The following COMMD1 variants were observed in gnomAD, a reference collection of about 807,000 sequenced individuals.
The protein encoded by COMMD1 is copper metabolism domain containing 1, also known as COMM domain-containing protein 1.
Under a neutral mutation model 17.2 loss-of-function variants are expected in COMMD1, and 10 were observed. That is an observed-to-expected ratio of 0.58 (90% CI 0.36 to 0.99). COMMD1 has a LOEUF of 0.99. COMMD1 is among the 50% of genes least tolerant of loss of function. The pLI is 0.01. For synonymous variants in COMMD1, 97 were observed against 91.6 expected, an observed-to-expected ratio of 1.06 and a Z score of -0.34; for missense variants, 270 against 231.8, an observed-to-expected ratio of 1.17 and a Z score of -1.07.
chr2:61,958,183 C>G (rs1671244209), intron 1 of COMMD1, among the ~76,000 whole-genome samples: 1 of 151,998 alleles, frequency 6.6e-6, no homozygotes, highest in Admixed American at 6.6e-5. Flanking sequence ...TCCTCCCACT[C>G]TCTACCCTCT....
intron 2 of COMMD1, among the ~76,000 whole-genome samples, chr2:62,072,010 A>G (rs1300143304): frequency 6.6e-6 from 1 of 151,880 alleles, no homozygotes; most frequent in Non-Finnish European, 1.5e-5. Context: ...TTTTTTAATT[A>G]ACCCAGTATA....
chr2:62,050,778 C>G (rs999236007), intron 2 of COMMD1, among the ~76,000 whole-genome samples: 4 of 152,120 alleles, frequency 2.6e-5, no homozygotes, highest in African/African-American at 9.7e-5. Context: ...TTTTGTTTCT[C>G]CTTGAAGATG....
intron 2 of COMMD1, among the ~76,000 whole-genome samples, chr2:62,099,250 A>T (rs1360112930): frequency 6.6e-6 from 1 of 152,104 alleles, no homozygotes; most frequent in African/African-American, 2.4e-5. Context: ...AATTTTTTTT[A>T]ACTTCCTAAA....
intron 1 of COMMD1, among the ~76,000 whole-genome samples, chr2:61,893,810 C>CA (rs113358661): frequency 0.023 from 2,598 of 110,828 alleles, 45 homozygotes; most frequent in African/African-American, 0.06. Flanking sequence ...ACCTCCATCT[C>CA]AAAAAAAAAA....
At chr2:61,968,943 G>GTTT in intron 1 of COMMD1, 1 of 273,158 alleles carries the variant, frequency 3.7e-6, no homozygotes, top group Non-Finnish European at 7.4e-6. Context: ...TCTTTATTTA[G>GTTT]TCTTTTTTTT....
chr2:62,025,605 T>TA (rs1433246429), intron 2 of COMMD1, among the ~76,000 whole-genome samples: 1 of 152,130 alleles, frequency 6.6e-6, no homozygotes, highest in African/African-American at 2.4e-5. Flanking sequence ...AAGTCAATAA[T>TA]AAAAAAATAC....
intron 2 of COMMD1, among the ~76,000 whole-genome samples, chr2:62,048,882 C>A (rs1313848207): frequency 6.6e-6 from 1 of 152,100 alleles, no homozygotes; most frequent in Non-Finnish European, 1.5e-5. Flanking sequence ...GGTGACAGCA[C>A]CTCTACTTTT....
chr2:61,943,842 AC>A (rs1375953314), intron 1 of COMMD1, among the ~76,000 whole-genome samples: 1 of 152,056 alleles, frequency 6.6e-6, no homozygotes, highest in East Asian at 1.9e-4. Context: ...CTCAAAAAAA[AC>A]AAAACAAAAC....
chr2:62,052,660 T>A (rs1211632057), intron 2 of COMMD1, among the ~76,000 whole-genome samples: 1 of 152,244 alleles, frequency 6.6e-6, no homozygotes, highest in African/African-American at 2.4e-5. Flanking sequence ...GTTTATTTTT[T>A]CACTAATCAC....
intron 1 of COMMD1, among the ~76,000 whole-genome samples, chr2:61,892,646 A>T (rs532087573): frequency 3.9e-4 from 58 of 149,054 alleles, no homozygotes; most frequent in Admixed American, 6.0e-4. Flanking sequence ...GTGAGCCGAG[A>T]TCGTGCCATT....
intron 1 of COMMD1, among the ~76,000 whole-genome samples, chr2:61,987,641 G>A (rs1029080797): frequency 1.9e-4 from 29 of 152,214 alleles, no homozygotes; most frequent in African/African-American, 6.3e-4. Context: ...CCTGAAGTCA[G>A]CATGGTACTG....
chr2:61,915,005 CCT>C (rs1670013090), intron 1 of COMMD1, among the ~76,000 whole-genome samples: 1 of 56,856 alleles, frequency 1.8e-5, no homozygotes, highest in African/African-American at 9.4e-5. Context: ...TCTTTTCTTT[CCT>C]TTTTTTTTTT....
At chr2:62,049,954 A>G (rs1451471899) in intron 2 of COMMD1, among the ~76,000 whole-genome samples, 3 of 152,216 alleles carry the variant, frequency 2.0e-5, no homozygotes, top group African/African-American at 2.4e-5. Flanking sequence ...GCATGAATAT[A>G]TCTGACAGAT....
intron 1 of COMMD1, among the ~76,000 whole-genome samples, chr2:61,996,708 A>G (rs970579411): frequency 1.3e-5 from 2 of 152,190 alleles, no homozygotes; most frequent in African/African-American, 4.8e-5. Context: ...TTACTCCTCC[A>G]TAAGGAGTAA....
chr2:61,970,011 C>G (rs532952077), intron 1 of COMMD1, among the ~76,000 whole-genome samples: 3 of 152,076 alleles, frequency 2.0e-5, no homozygotes, highest in African/African-American at 7.2e-5. Flanking sequence ...AATCCCAGCA[C>G]TCTGGGAGGC....
rs889163516 is a variant in COMMD1 at position 62,000,968 on chromosome 2, G to A, written c.448G>A (p.Gly150Ser). 5.0e-6 allele frequency: 8 copies of A among 1,613,086 alleles called. No homozygotes were observed. The highest frequency in any genetic ancestry group is 1.3e-5 in the African/African-American group (1 of 74,922). Residue 150 changes from glycine (G) to serine (S), a missense_variant, in exon 2 of 3, where the codon GGC (glycine) becomes AGC (serine). Transcript: ENST00000311832. Reference protein sequence around the residue: ...TPVAIIELELGKYGQESEFLC... With the variant: ...TPVAIIELELSKYGQESEFLC... ...TGTTGCCATTATAGAGCTGGAATTAGGCAAATATGGACAGGTGAGTTAAAC... is the reference window on the plus strand; with the variant it reads ...TGTTGCCATTATAGAGCTGGAATTAAGCAAATATGGACAGGTGAGTTAAAC...
At chr2:62,130,381 T>C (rs1485865231) in intron 2 of COMMD1, among the ~76,000 whole-genome samples, 1 of 151,904 alleles carries the variant, frequency 6.6e-6, no homozygotes, top group Non-Finnish European at 1.5e-5. Context: ...TTCAAGTGAT[T>C]CTCCTGCGTC....
At chr2:61,946,469 A>G (rs1272703101) in intron 1 of COMMD1, among the ~76,000 whole-genome samples, 4 of 152,186 alleles carry the variant, frequency 2.6e-5, no homozygotes, top group Non-Finnish European at 5.9e-5. Flanking sequence ...ACTGGAAATT[A>G]TTCCAATAAG....
At chr2:62,129,654 A>G (rs536101119) in intron 2 of COMMD1, among the ~76,000 whole-genome samples, 1 of 152,290 alleles carries the variant, frequency 6.6e-6, no homozygotes, top group African/African-American at 2.4e-5. Flanking sequence ...CTTATTTATT[A>G]TTTAATTGCC....
Sources: gnomAD v4.1 joint callset for allele counts (sites outside exome capture counted in the v4.1 genomes callset) on GRCh38, gnomAD v4.1.1 for gene constraint, MANE v1.5 for transcripts, NCBI Gene and HGNC (gene_info 2026-07-23, HGNC 2026-07-21) for gene names.